DIS3L2: variants seen among roughly 807,000 people sequenced by gnomAD.
The protein encoded by DIS3L2 is DIS3 like 3'-5' exoribonuclease 2.
A neutral mutation model predicts 97.5 loss-of-function variants in DIS3L2; 34 were observed. That is an observed-to-expected ratio of 0.35 (90% confidence interval 0.27 to 0.46). The LOEUF (loss-of-function observed/expected upper bound fraction) is 0.46, where lower values mean the gene tolerates loss of function less well. DIS3L2 is among the 20% of genes least tolerant of loss of function. DIS3L2 has a pLI of 1.00. For synonymous variants in DIS3L2, 435 were observed against 445.2 expected, an observed-to-expected ratio of 0.98 and a Z score of 0.29; for missense variants, 1,038 against 1,146.0, an observed-to-expected ratio of 0.91 and a Z score of 1.36.
intron 11 of DIS3L2, among the ~76,000 whole-genome samples, chr2:232,245,041 T>C (rs1480183302): frequency 6.6e-6 from 1 of 152,188 alleles, no homozygotes; most frequent in Non-Finnish European, 1.5e-5. Context: ...AAATTATCCA[T>C]GTGGTTCACA....
chr2:232,003,395 C>A (rs1466643853), intron 1 of DIS3L2, among the ~76,000 whole-genome samples: 1 of 151,954 alleles, frequency 6.6e-6, no homozygotes, highest in Admixed American at 6.6e-5. Flanking sequence ...TTTTTTTTGG[C>A]CTGCTATTTT....
rs2106350038 is a variant in DIS3L2 at position 232,130,643 on chromosome 2, T to C, written c.626T>C (p.Val209Ala). Residue 209 changes from valine (V) to alanine (A), a missense_variant, in exon 7 of 21, where the codon GTT (valine) becomes GCT (alanine). Around this residue, in one of 3 missense-constraint regions of DIS3L2, gnomAD observed 813 missense variants for 880.1 expected, o/e 0.92. Coordinates refer to ENST00000325385, the MANE Select transcript of DIS3L2 (RefSeq NM_152383.5). ...EKGREDGDAP[V>A]TKDETTCISQ... is the part of the protein sequence containing the mutation. ...GGAAGAGAGGATGGTGATGCACCGG[T>C]TACAAAAGATGAGACCACCTGCATT... 1.2e-6 allele frequency: 2 copies of C among 1,612,978 alleles called. No homozygotes were observed. Among genetic ancestry groups the C allele is most frequent in the African/African-American group, 1.3e-5 (1 of 74,950 alleles).
chr2:232,086,011 A>G (rs1411103876), intron 5 of DIS3L2, among the ~76,000 whole-genome samples: 1 of 151,868 alleles, frequency 6.6e-6, no homozygotes, highest in East Asian at 1.9e-4. Flanking sequence ...CAAGGTCTCA[A>G]TATGTTGCCC....
At chr2:232,169,667 G>A (rs1690927010) in intron 9 of DIS3L2, among the ~76,000 whole-genome samples, 1 of 152,250 alleles carries the variant, frequency 6.6e-6, no homozygotes, top group South Asian at 2.1e-4. Flanking sequence ...AAGTCCTATG[G>A]TTTGGTCACT....
intron 5 of DIS3L2, among the ~76,000 whole-genome samples, chr2:232,036,672 CT>C (rs1306894450): frequency 6.6e-6 from 1 of 152,184 alleles, no homozygotes; most frequent in Non-Finnish European, 1.5e-5. Flanking sequence ...TACCCTTGGT[CT>C]TTCCTGTTGG....
At chr2:232,099,690 T>G (rs764334916) in intron 6 of DIS3L2, among the ~76,000 whole-genome samples, 9 of 152,254 alleles carry the variant, frequency 5.9e-5, no homozygotes, top group Admixed American at 2.6e-4. Context: ...TTGGTAGAAC[T>G]CATTGTAAAA....
intron 13 of DIS3L2, among the ~76,000 whole-genome samples, chr2:232,289,029 A>G (rs934731032): frequency 2.0e-5 from 3 of 152,040 alleles, no homozygotes; most frequent in African/African-American, 7.2e-5. Flanking sequence ...ATGTTTTCTG[A>G]TTTCAATATC....
intron 10 of DIS3L2, among the ~76,000 whole-genome samples, chr2:232,213,843 A>G (rs1289119421): frequency 2.0e-5 from 3 of 151,936 alleles, no homozygotes; most frequent in Non-Finnish European, 2.9e-5. Flanking sequence ...CAGGTGAGAC[A>G]CTCCAGTGAT....
chr2:232,018,127 A>G (rs1003403999), intron 3 of DIS3L2, among the ~76,000 whole-genome samples: 2 of 152,194 alleles, frequency 1.3e-5, no homozygotes, highest in African/African-American at 4.8e-5. Context: ...ACTAGCCTAG[A>G]ATTTTGGTTA....
chr2:232,301,174 G>T (rs1347327397), intron 14 of DIS3L2, among the ~76,000 whole-genome samples: 2 of 152,150 alleles, frequency 1.3e-5, no homozygotes, highest in Admixed American at 6.5e-5. Flanking sequence ...TGTCATATTT[G>T]CAGAAGCTAA....
At chr2:232,182,752 C>A (rs1400638162) in intron 9 of DIS3L2, among the ~76,000 whole-genome samples, 4 of 152,230 alleles carry the variant, frequency 2.6e-5, no homozygotes, top group Admixed American at 2.6e-4. Flanking sequence ...TCTTTTGTTA[C>A]TGTTTGCATG....
At chr2:231,984,083 A>G (rs1693340841) in intron 1 of DIS3L2, among the ~76,000 whole-genome samples, 1 of 151,668 alleles carries the variant, frequency 6.6e-6, no homozygotes, top group South Asian at 2.1e-4. Context: ...TTTATAATTG[A>G]TCATTTTGTC....
At chr2:232,329,786 C>CCCGGGGGGAG in intron 14 of DIS3L2, 27 bp from the exon 15 acceptor site, 1 of 430,236 alleles carries the variant, frequency 2.3e-6, no homozygotes, top group East Asian at 6.0e-5. Context: ...CCCCAGCGGT[C>CCCGGGGGGAG]CCTCCCATCC....
chr2:232,134,032 T>A, intron 7 of DIS3L2, among the ~76,000 whole-genome samples: 1 of 144,236 alleles, frequency 6.9e-6, no homozygotes, highest in African/African-American at 2.6e-5. Flanking sequence ...AGAAGTATAG[T>A]CCTGAAAAGT....
rs1176817796 is a variant in DIS3L2 at position 232,268,690 on chromosome 2, T to C, written c.1659+5250T>C. ...CATTTAAAAATGCATAAACCAGTCT[T>C]AGCTCATGGGTCATACAAAAGCAGG... On this transcript the variant is annotated intron_variant, in intron 13 of 20. Coordinates refer to ENST00000325385, the MANE Select transcript of DIS3L2 (RefSeq NM_152383.5). The surrounding 1 kb of genome is among the most constrained non-coding windows in gnomAD (Gnocchi z 4.1). 6.6e-6 allele frequency among the ~76,000 whole-genome samples: 1 copy of C among 152,228 alleles called. No homozygotes were observed. Among genetic ancestry groups the C allele is most frequent in the Non-Finnish European group, 1.5e-5 (1 of 68,050 alleles).
At chr2:232,253,114 A>G (rs1693462463) in intron 12 of DIS3L2, among the ~76,000 whole-genome samples, 2 of 152,236 alleles carry the variant, frequency 1.3e-5, no homozygotes, top group Admixed American at 1.3e-4. Flanking sequence ...CAAGACCACC[A>G]GCGTACCTCT....
At chr2:232,333,763 C>G in intron 16 of DIS3L2, 77 bp from the exon 17 acceptor site, 117 of 1,447,894 alleles carry the variant, frequency 8.1e-5, no homozygotes, top group Admixed American at 4.0e-4. Flanking sequence ...GACGGTGAGG[C>G]TGTGGGTGGT....
At chr2:232,258,509 G>A (rs776269359) in intron 12 of DIS3L2, among the ~76,000 whole-genome samples, 5 of 151,602 alleles carry the variant, frequency 3.3e-5, no homozygotes, top group African/African-American at 7.3e-5. Context: ...ACTTGGACCC[G>A]GGAGGCGGAG....
At chr2:232,221,033 C>T (rs1323312391) in intron 10 of DIS3L2, among the ~76,000 whole-genome samples, 5 of 137,676 alleles carry the variant, frequency 3.6e-5, no homozygotes, top group Non-Finnish European at 7.5e-5. Context: ...ATCCAGGAGG[C>T]GGAGGCTACA....
Sources: gnomAD v4.1 joint callset for allele counts (sites outside exome capture counted in the v4.1 genomes callset) on GRCh38, gnomAD v4.1.1 for gene constraint, gnomAD v4.1.1 regional missense constraint, Gnocchi (gnomAD v3.1) non-coding constraint, MANE v1.5 for transcripts, NCBI Gene and HGNC (gene_info 2026-07-23, HGNC 2026-07-21) for gene names.